The following RANBP2 variants were observed in gnomAD, a reference collection of about 807,000 sequenced individuals.
The protein encoded by RANBP2 is RAN binding protein 2.
In RANBP2, 57 loss-of-function variants were observed where a neutral mutation model predicts 303.6. The ratio of observed to expected loss-of-function variants is 0.19; its 90% CI spans 0.15 to 0.23. The LOEUF (loss-of-function observed/expected upper bound fraction) is 0.23, where lower values mean the gene tolerates loss of function less well. Ranked by LOEUF, RANBP2 falls within the 10% of genes least tolerant of loss-of-function variation. The pLI is 1.00. For synonymous variants in RANBP2, 1,167 were observed against 1,301.5 expected, an observed-to-expected ratio of 0.90 and a Z score of 2.23; for missense variants, 3,138 against 3,780.8, an observed-to-expected ratio of 0.83 and a Z score of 4.46.
chr2:109,674,553 A>T, the RANBP2 span, among the ~76,000 whole-genome samples: 1 of 152,092 alleles, frequency 6.6e-6, no homozygotes, highest in Non-Finnish European at 1.5e-5. Context: ...GCTGCACTCC[A>T]GCCTTGGCGA....
the RANBP2 span, among the ~76,000 whole-genome samples, chr2:109,322,818 A>C: frequency 6.6e-6 from 1 of 152,182 alleles, no homozygotes; most frequent in Non-Finnish European, 1.5e-5. Flanking sequence ...GTGCCTGCAA[A>C]TCTCCCCACA....
chr2:108,811,755 C>G, the RANBP2 span, among the ~76,000 whole-genome samples: 1 of 152,018 alleles, frequency 6.6e-6, no homozygotes, highest in African/African-American at 2.4e-5. Flanking sequence ...ATTTTCAACC[C>G]CTACCCCTCT....
the RANBP2 span, among the ~76,000 whole-genome samples, chr2:109,548,562 G>A: frequency 6.6e-6 from 1 of 152,012 alleles, no homozygotes; most frequent in Non-Finnish European, 1.5e-5. Context: ...GATTGCCTGA[G>A]CTCAGGAGTT....
At chr2:109,550,431 A>G in the RANBP2 span, among the ~76,000 whole-genome samples, 7 of 151,562 alleles carry the variant, frequency 4.6e-5, 1 homozygote, top group African/African-American at 1.5e-4. Flanking sequence ...TCCTGCCTCA[A>G]CCTCCTGAGT....
At chr2:109,282,754 C>T in the RANBP2 span, among the ~76,000 whole-genome samples, 1 of 152,136 alleles carries the variant, frequency 6.6e-6, no homozygotes, top group African/African-American at 2.4e-5. Context: ...TCAGAACGGC[C>T]AAAGGAGAAA....
the RANBP2 span, among the ~76,000 whole-genome samples, chr2:109,519,240 A>G: frequency 0.028 from 4,226 of 152,026 alleles, 215 homozygotes; most frequent in African/African-American, 0.096. Flanking sequence ...ACTTCTAAAC[A>G]ACCAGATCTC....
the RANBP2 span, among the ~76,000 whole-genome samples, chr2:108,841,209 T>C: frequency 6.6e-6 from 1 of 152,140 alleles, no homozygotes; most frequent in African/African-American, 2.4e-5. Flanking sequence ...ATTGTTGAGG[T>C]TGTTTTATGG....
the RANBP2 span, among the ~76,000 whole-genome samples, chr2:108,855,335 T>G: frequency 6.6e-6 from 1 of 152,184 alleles, no homozygotes; most frequent in African/African-American, 2.4e-5. Flanking sequence ...TTTTAAAAAC[T>G]GTATAGTATT....
chr2:109,279,243 C>T, the RANBP2 span, among the ~76,000 whole-genome samples: 1 of 152,222 alleles, frequency 6.6e-6, no homozygotes, highest in Non-Finnish European at 1.5e-5. Flanking sequence ...CTGCTGACTT[C>T]TGAATGTGGC....
At chr2:108,744,597 A>G (rs1240804401) in intron 7 of RANBP2, among the ~76,000 whole-genome samples, 2 of 152,240 alleles carry the variant, frequency 1.3e-5, no homozygotes, top group African/African-American at 4.8e-5. Flanking sequence ...TTCAACATAT[A>G]GATGACAAAG....
intron 25 of RANBP2, among the ~76,000 whole-genome samples, 186 bp downstream of exon 25, chr2:108,777,417 T>C (rs1400887885): frequency 6.6e-6 from 1 of 152,124 alleles, no homozygotes; most frequent in East Asian, 1.9e-4. Flanking sequence ...ATCTTAAGAA[T>C]TTTCTCTTAA....
At chr2:109,147,169 TC>T in the RANBP2 span, among the ~76,000 whole-genome samples, 2 of 152,110 alleles carry the variant, frequency 1.3e-5, no homozygotes, top group Non-Finnish European at 2.9e-5. Context: ...GGCTGGCACT[TC>T]CTCAAGGTGC....
At chr2:108,723,187 C>G (rs1694414830) in intron 1 of RANBP2, among the ~76,000 whole-genome samples, 2 of 152,090 alleles carry the variant, frequency 1.3e-5, no homozygotes, top group Admixed American at 1.3e-4. Context: ...GTTGTTTTTT[C>G]TGCCCTTTAC....
chr2:109,249,072 C>T, the RANBP2 span, among the ~76,000 whole-genome samples: 45 of 152,198 alleles, frequency 3.0e-4, no homozygotes, highest in African/African-American at 1.1e-3. Context: ...GTAGAGACCA[C>T]AGCTCACTAT....
At chr2:109,552,982 CA>C in the RANBP2 span, 1 of 1,269,548 alleles carries the variant, frequency 7.9e-7, no homozygotes, top group East Asian at 2.4e-5. Flanking sequence ...CTTTAAAGAA[CA>C]AGTAGCCTAC....
the RANBP2 span, among the ~76,000 whole-genome samples, chr2:108,837,844 A>G: frequency 6.6e-6 from 1 of 152,134 alleles, no homozygotes; most frequent in Non-Finnish European, 1.5e-5. Context: ...ACTGTAAGAG[A>G]GTATATGGCT....
At chr2:108,729,679 T>A (rs2949982) in intron 2 of RANBP2, among the ~76,000 whole-genome samples, 1 of 151,908 alleles carries the variant, frequency 6.6e-6, no homozygotes, top group Non-Finnish European at 1.5e-5. Flanking sequence ...TTTCCTGACT[T>A]GGAGTGGATT....
At chr2:108,953,006 T>A in the RANBP2 span, among the ~76,000 whole-genome samples, 1 of 152,234 alleles carries the variant, frequency 6.6e-6, no homozygotes, top group Admixed American at 6.5e-5. Context: ...TTAATTTTTG[T>A]GTGTATGTAG....
the RANBP2 span, among the ~76,000 whole-genome samples, chr2:108,922,961 C>A: frequency 6.6e-6 from 1 of 152,322 alleles, no homozygotes; most frequent in East Asian, 1.9e-4. Context: ...TTTATATTTT[C>A]CTTGGCCTCA....
Sources: gnomAD v4.1 joint callset for allele counts (sites outside exome capture counted in the v4.1 genomes callset) on GRCh38, gnomAD v4.1.1 for gene constraint, MANE v1.5 for transcripts, NCBI Gene and HGNC (gene_info 2026-07-23, HGNC 2026-07-21) for gene names.